The following KYNU variants were observed in gnomAD, a reference collection of about 807,000 sequenced individuals.
The protein encoded by KYNU is L-kynurenine hydrolase.
In KYNU, 54 loss-of-function variants were observed where a neutral mutation model predicts 59.2. The observed-to-expected ratio is 0.91, with a 90% CI of 0.73 to 1.14. KYNU has a LOEUF of 1.14. KYNU is among the 50% of genes most tolerant of loss of function. The pLI, the probability that KYNU is intolerant of heterozygous loss-of-function variation, is 0.00. For synonymous variants in KYNU, 177 were observed against 192.0 expected (o/e 0.92, Z 0.65); for missense variants, 567 against 554.4 (o/e 1.02, Z -0.23).
intron 13 of KYNU, among the ~76,000 whole-genome samples, 164 bp downstream of exon 13, chr2:143,040,822 A>G (rs1450176676): frequency 6.6e-6 from 1 of 152,084 alleles, no homozygotes; most frequent in South Asian, 2.1e-4. Flanking sequence ...GCTAACTGAA[A>G]GGCATAGAGA....
chr2:142,939,617 A>AAAG (rs1553479627), intron 4 of KYNU, among the ~76,000 whole-genome samples: 2 of 150,140 alleles, frequency 1.3e-5, no homozygotes, highest in African/African-American at 2.5e-5. Flanking sequence ...AAAAAAAAAA[A>AAAG]AAAAAGAAAA....
chr2:143,011,446 C>G (rs1686095493), intron 10 of KYNU, among the ~76,000 whole-genome samples: 2 of 132,114 alleles, frequency 1.5e-5, no homozygotes, highest in Admixed American at 1.5e-4. Flanking sequence ...GAAACAGGAA[C>G]ACTTTTACAC....
chr2:142,993,074 G>A (rs1013485421), intron 10 of KYNU, among the ~76,000 whole-genome samples: 3 of 151,910 alleles, frequency 2.0e-5, no homozygotes, highest in South Asian at 2.1e-4. Flanking sequence ...TCACAGATAC[G>A]AATCTTCTGT....
At chr2:142,978,342 A>C (rs1305879506) in intron 8 of KYNU, among the ~76,000 whole-genome samples, 3 of 152,212 alleles carry the variant, frequency 2.0e-5, no homozygotes, top group East Asian at 3.9e-4. Flanking sequence ...ATAGCACTGT[A>C]GTTCTTGGAT....
At chr2:143,032,371 G>A (rs374885781) in intron 11 of KYNU, among the ~76,000 whole-genome samples, 2 of 151,084 alleles carry the variant, frequency 1.3e-5, no homozygotes, top group Non-Finnish European at 2.9e-5. Context: ...TCATGAGAAC[G>A]GCATGCAGGA....
rs541167947 is a variant in KYNU, at chr2:142,901,891, G to A, written c.169+16355G>A. Among the ~76,000 whole-genome samples the A allele has an allele frequency of 9.2e-5, 14 of 152,290 alleles. No individual in the cohort carries two copies. The East Asian group carries it at 2.7e-3, about 29-fold the overall frequency. Reference sequence around the variant, plus strand: ...TAGGGATTAGTCAAGGGAACCTCTAGAAGGTCCCTCGAGTGGTATAGGTTT... The same window carrying A: ...TAGGGATTAGTCAAGGGAACCTCTAAAAGGTCCCTCGAGTGGTATAGGTTT... On this transcript the variant is annotated intron_variant, in intron 2 of 13. Coordinates refer to ENST00000264170, the MANE Select transcript of KYNU (RefSeq NM_003937.3).
rs1682379220 is a variant in KYNU, at chr2:142,908,655, G to A, written c.170-9954G>A. Among the ~76,000 whole-genome samples, 3 of 147,338 alleles carry A rather than the reference G, an allele frequency of 2.0e-5. No individual in the cohort carries two copies. The South Asian group carries it at 6.5e-4, about 32-fold the overall frequency. ...GAAATGATCAATTTTTTTTTTTTGA[G>A]ATGGAGTCTTGCTCTGTTGCCCAGG... On this transcript the variant is annotated intron_variant, in intron 2 of 13. Transcript: ENST00000264170.
At chr2:143,006,292 G>A (rs1275815156) in intron 10 of KYNU, among the ~76,000 whole-genome samples, 2 of 151,942 alleles carry the variant, frequency 1.3e-5, no homozygotes, top group Non-Finnish European at 2.9e-5. Flanking sequence ...AGAAAGGGGT[G>A]ACGGACGCAC....
At chr2:142,961,226 A>G (rs1198311539) in intron 8 of KYNU, among the ~76,000 whole-genome samples, 1 of 149,576 alleles carries the variant, frequency 6.7e-6, no homozygotes, top group Non-Finnish European at 1.5e-5. Flanking sequence ...TTACATTTTT[A>G]AAAGAAAATC....
intron 4 of KYNU, among the ~76,000 whole-genome samples, chr2:142,951,083 A>T (rs1188586633): frequency 6.6e-6 from 1 of 152,248 alleles, no homozygotes; most frequent in Non-Finnish European, 1.5e-5. Context: ...AAATAATTAC[A>T]GTATTAACAT....
intron 10 of KYNU, among the ~76,000 whole-genome samples, chr2:143,012,547 G>A (rs1398725535): frequency 6.6e-6 from 1 of 151,164 alleles, no homozygotes; most frequent in Non-Finnish European, 1.5e-5. Flanking sequence ...AGGCCCATGT[G>A]TCATTTCCCA....
rs532221325 is a variant in KYNU at position 143,043,662 on chromosome 2, C to T, written c.*1490C>T. ...AAATCTTCCTACTGTAACTAATCCT[C>T]ATAGATGGAAGAGTTCTCAAAACCT... On this transcript the variant is annotated 3_prime_UTR_variant, in exon 14 of 14. Transcript: ENST00000264170. 4.0e-5 allele frequency: 6 copies of T among 150,192 alleles called. No individual in the cohort carries two copies. Among genetic ancestry groups the T allele is most frequent in the Non-Finnish European group, 5.9e-5 (4 of 67,574 alleles). 9.3% of individuals were successfully genotyped at this position (150,192 alleles called of 1,614,324 possible).
At chr2:142,915,056 A>AT (rs1239895311) in intron 2 of KYNU, among the ~76,000 whole-genome samples, 1 of 152,236 alleles carries the variant, frequency 6.6e-6, no homozygotes, top group Non-Finnish European at 1.5e-5. Flanking sequence ...TAATTTCTTA[A>AT]TAACTCCTAT....
chr2:142,993,899 A>G lies in KYNU; in HGVS notation c.902+7878A>G, dbSNP rs2105175795. Among the ~76,000 whole-genome samples the G allele has an allele frequency of 2.0e-5, 3 of 152,150 alleles. No homozygotes were observed. The South Asian group carries it at 6.2e-4, about 32-fold the overall frequency. ...ATGAAATAGTCATTAATTTGAGAAC[A>G]CTGAAGTCCTTTGAAACCTAAACAT... is the stretch of plus-strand genomic sequence containing the variant. On this transcript the variant is annotated intron_variant, in intron 10 of 13. Transcript: ENST00000264170.
At chr2:142,885,291 G>A (rs888706972) in intron 1 of KYNU, 58 bp from the exon 2 acceptor site, 1 of 1,399,264 alleles carries the variant, frequency 7.1e-7, no homozygotes, top group Non-Finnish European at 1.0e-6. Context: ...TACCTAAAGG[G>A]CTCATTTTCT....
At chr2:142,883,132 A>G (rs542536560) in intron 1 of KYNU, among the ~76,000 whole-genome samples, 17 of 149,788 alleles carry the variant, frequency 1.1e-4, no homozygotes, top group African/African-American at 2.5e-4. Context: ...AAACTCCCCA[A>G]TGGTATCCCA....
chr2:143,017,749 C>G (rs1686299301), intron 10 of KYNU, among the ~76,000 whole-genome samples: 1 of 151,832 alleles, frequency 6.6e-6, no homozygotes, highest in Non-Finnish European at 1.5e-5. Context: ...TTTTTTTAAC[C>G]TTTTCATAGT....
At chr2:143,031,871 G>A (rs1318313258) in intron 11 of KYNU, among the ~76,000 whole-genome samples, 1 of 152,184 alleles carries the variant, frequency 6.6e-6, no homozygotes, top group Non-Finnish European at 1.5e-5. Context: ...AGTTTCACAT[G>A]GCTGGGGAAG....
In KYNU at chr2:142,905,510, T is replaced by A. The variant is rs529650999; in HGVS notation, c.170-13099T>A. On this transcript the variant is annotated intron_variant, in intron 2 of 13. Coordinates refer to ENST00000264170, the MANE Select transcript of KYNU (RefSeq NM_003937.3). ...CTTTGTATGGTAATTAAGATTTAAA[T>A]CCCCTGTTAGGAAAGCTGCTAGGTT... is the stretch of plus-strand genomic sequence containing the variant. 2.3e-4 allele frequency among the ~76,000 whole-genome samples: 35 copies of A among 152,340 alleles called. No individual in the cohort carries two copies. In the South Asian group the frequency reaches 6.0e-3, roughly 26 times the overall value.
Sources: gnomAD v4.1 joint callset for allele counts (sites outside exome capture counted in the v4.1 genomes callset) on GRCh38, gnomAD v4.1.1 for gene constraint, MANE v1.5 for transcripts, NCBI Gene and HGNC (gene_info 2026-07-23, HGNC 2026-07-21) for gene names.